CHM: variants seen among roughly 807,000 people sequenced by gnomAD.
The protein encoded by CHM is CHM Rab escort protein, also known as rab proteins geranylgeranyltransferase component A 1.
Under a neutral mutation model 49.0 loss-of-function variants are expected in CHM, and 10 were observed. The observed-to-expected ratio is 0.20, with a 90% CI of 0.13 to 0.35. CHM has a LOEUF of 0.35. CHM is among the 10% of genes least tolerant of loss of function. The pLI is 1.00. For missense variants in CHM, 455 were observed against 478.4 expected (o/e 0.95, Z 0.46); for synonymous variants, 184 against 167.5 (o/e 1.10, Z -0.76).
At chrX:85,904,440 T>C (rs1192852824) in intron 9 of CHM, among the ~76,000 whole-genome samples, 1 of 111,458 alleles carries the variant, frequency 9.0e-6, no homozygotes, top group African/African-American at 3.3e-5. Context: ...AAGAAAATAG[T>C]AAGATGAAAA....
intron 8 of CHM, among the ~76,000 whole-genome samples, chrX:85,934,022 C>T (rs1928599960): frequency 9.2e-6 from 1 of 108,407 alleles, no homozygotes. Flanking sequence ...GCTCTGTTGC[C>T]CAGGCTGGAG....
chrX:86,020,850 T>C (rs1236764021), intron 2 of CHM, among the ~76,000 whole-genome samples: 2 of 102,288 alleles, frequency 2.0e-5, no homozygotes, highest in Non-Finnish European at 3.9e-5. Flanking sequence ...TGATACATCA[T>C]ATATATCATA....
chrX:85,935,645 TAC>T (rs1275885275), intron 8 of CHM, among the ~76,000 whole-genome samples: 1 of 112,240 alleles, frequency 8.9e-6, no homozygotes, highest in Non-Finnish European at 1.9e-5. Context: ...ATAGAAAAGG[TAC>T]AGTCAAAATA....
intron 8 of CHM, among the ~76,000 whole-genome samples, chrX:85,936,562 T>C (rs1438426119): frequency 1.8e-5 from 2 of 112,193 alleles, no homozygotes; most frequent in Non-Finnish European, 3.8e-5. Flanking sequence ...GATACTTCTG[T>C]AGCACATGGA....
chrX:86,038,497 G>A (rs1008494782), intron 1 of CHM, among the ~76,000 whole-genome samples: 33 of 111,733 alleles, frequency 3.0e-4, no homozygotes, highest in African/African-American at 1.0e-3. Context: ...TGCCCCTACC[G>A]CCTGGGGCAC....
At chrX:85,911,828 T>C (rs1927046691) in intron 8 of CHM, among the ~76,000 whole-genome samples, 1 of 111,433 alleles carries the variant, frequency 9.0e-6, no homozygotes, top group Non-Finnish European at 1.9e-5. Context: ...GCTAGAGCAG[T>C]AAACATGAGT....
chrX:85,953,924 G>C (rs1426533793), intron 8 of CHM, among the ~76,000 whole-genome samples: 2 of 111,321 alleles, frequency 1.8e-5, no homozygotes, highest in Non-Finnish European at 3.8e-5. Context: ...GGACAAACGG[G>C]AACACATGAA....
intron 2 of CHM, among the ~76,000 whole-genome samples, chrX:86,017,277 G>A (rs1037379408): frequency 9.8e-5 from 11 of 111,729 alleles, no homozygotes; most frequent in Admixed American, 4.7e-4. Context: ...CTGTTGGGAA[G>A]GCATGACTGC....
intron 8 of CHM, among the ~76,000 whole-genome samples, chrX:85,925,410 C>T (rs1928024891): frequency 1.8e-5 from 2 of 111,534 alleles, no homozygotes; most frequent in African/African-American, 3.3e-5. Flanking sequence ...AATAAAATTG[C>T]ATTTTTCAGT....
intron 14 of CHM, among the ~76,000 whole-genome samples, chrX:85,866,562 G>A (rs999663762): frequency 9.8e-5 from 11 of 112,730 alleles, no homozygotes; most frequent in African/African-American, 3.2e-4. Context: ...TAAGAAGAGG[G>A]CCACTGTCCT....
intron 1 of CHM, among the ~76,000 whole-genome samples, chrX:86,042,483 G>A (rs1199762888): frequency 1.8e-5 from 2 of 110,111 alleles, no homozygotes; most frequent in Non-Finnish European, 3.8e-5. Context: ...CCCTTGGTGA[G>A]AGGCAAGGCA....
intron 2 of CHM, among the ~76,000 whole-genome samples, chrX:86,021,427 T>G (rs1226966804): frequency 9.1e-6 from 1 of 109,339 alleles, no homozygotes; most frequent in Non-Finnish European, 1.9e-5. Context: ...TATGTCATTT[T>G]TATAAAGAAA....
At chrX:85,936,554 T>C (rs1248407960) in intron 8 of CHM, among the ~76,000 whole-genome samples, 1 of 112,274 alleles carries the variant, frequency 8.9e-6, no homozygotes, top group Non-Finnish European at 1.9e-5. Context: ...CTGAGATTGA[T>C]ACTTCTGTAG....
At chrX:85,950,620 A>C (rs1259675884) in intron 8 of CHM, among the ~76,000 whole-genome samples, 1 of 111,528 alleles carries the variant, frequency 9.0e-6, no homozygotes, top group Non-Finnish European at 1.9e-5. Flanking sequence ...GAGAAGAGAA[A>C]AGGAAGAAAA....
chrX:85,869,816 G>A (rs1449504303), intron 14 of CHM, among the ~76,000 whole-genome samples: 2 of 112,108 alleles, frequency 1.8e-5, no homozygotes. Context: ...TTAGATCAAA[G>A]GGTAAAAAAT....
In CHM at chrX:86,047,539, G is replaced by A. The variant is rs1165172881; in HGVS notation, c.-7C>T. The A allele has an allele frequency of 8.3e-7, 1 of 1,199,078 alleles. No individual in the cohort carries two copies. The highest frequency in any genetic ancestry group is 1.8e-5 in the South Asian group (1 of 55,463). ...AAGGGAGAGTATCCGCCATCTTGAC[G>A]GGAAACGTGTCATGTGACTATTACT... On this transcript the variant is annotated 5_prime_UTR_variant, in exon 1 of 15. Transcript: ENST00000357749.
In CHM at chrX:85,871,320, A is replaced by AG. The variant is rs1556203127; in HGVS notation, c.1770+1731_1770+1732insC. ...AGACTGTCTCAAAAAAAAAAAAAAAAAAGAAGAAATCTGCATGGGCTTGTG... is the reference window on the plus strand; with the variant it reads ...AGACTGTCTCAAAAAAAAAAAAAAAAGAAGAAGAAATCTGCATGGGCTTGTG... On this transcript the variant is annotated intron_variant, in intron 14 of 14. Coordinates refer to ENST00000357749, the MANE Select transcript of CHM (RefSeq NM_000390.4). Among the ~76,000 whole-genome samples the AG allele has an allele frequency of 8.7e-5, 9 of 102,999 alleles. No individual in the cohort carries two copies. The East Asian group carries it at 9.1e-4, about 10-fold the overall frequency. 89.4% of individuals were successfully genotyped at this position (102,999 alleles called of 115,157 possible).
intron 8 of CHM, among the ~76,000 whole-genome samples, chrX:85,948,126 C>G (rs1307614439): frequency 2.7e-5 from 3 of 111,773 alleles, no homozygotes; most frequent in African/African-American, 9.8e-5. Flanking sequence ...CTCCAATTAA[C>G]AGGTTATAAA....
rs183336453 is a variant in CHM, at chrX:86,040,913, T to C, written c.49+6571A>G. On this transcript the variant is annotated intron_variant, in intron 1 of 14. Transcript: ENST00000357749. ...TCCAATGAGCACCAACAGTGATTTTTAGCCTATTTTACTTTTAAATATATT... is the reference window on the plus strand; with the variant it reads ...TCCAATGAGCACCAACAGTGATTTTCAGCCTATTTTACTTTTAAATATATT... Among the ~76,000 whole-genome samples the C allele has an allele frequency of 2.7e-3, 300 of 112,424 alleles. 1 individual carries two copies. Among genetic ancestry groups the C allele is most frequent in the African/African-American group, 8.6e-3 (266 of 30,938 alleles).
Sources: gnomAD v4.1 joint callset for allele counts (sites outside exome capture counted in the v4.1 genomes callset) on GRCh38, gnomAD v4.1.1 for gene constraint, MANE v1.5 for transcripts, NCBI Gene and HGNC (gene_info 2026-07-23, HGNC 2026-07-21) for gene names.